PCSK2: variants seen among roughly 807,000 people sequenced by gnomAD.
PCSK2 encodes neuroendocrine convertase 2.
A neutral mutation model predicts 69.7 loss-of-function variants in PCSK2; 14 were observed. That is an observed-to-expected ratio of 0.20 (90% CI 0.13 to 0.31). The LOEUF is 0.31. PCSK2 is among the 10% of genes least tolerant of loss of function. The pLI is 1.00. For synonymous variants in PCSK2, 307 were observed against 320.7 expected (o/e 0.96, Z 0.46); for missense variants, 544 against 842.5 (o/e 0.65, Z 4.39).
chr20:17,370,527 A>C (rs1052508674), intron 5 of PCSK2, among the ~76,000 whole-genome samples: 1 of 152,238 alleles, frequency 6.6e-6, no homozygotes, highest in Non-Finnish European at 1.5e-5. Context: ...GAAATGACAG[A>C]AATTAAACCA....
intron 2 of PCSK2, among the ~76,000 whole-genome samples, chr20:17,356,063 T>C (rs2030186300): frequency 6.6e-6 from 1 of 152,182 alleles, no homozygotes; most frequent in African/African-American, 2.4e-5. Context: ...TGCATATATA[T>C]GTACATATGT....
chr20:17,257,226 C>T (rs915505833), intron 1 of PCSK2, among the ~76,000 whole-genome samples: 4 of 152,110 alleles, frequency 2.6e-5, no homozygotes, highest in Admixed American at 2.6e-4. Context: ...AATGAGATAC[C>T]GTCTCACACC....
At chr20:17,239,029 A>G (rs565572139) in intron 1 of PCSK2, among the ~76,000 whole-genome samples, 1 of 152,354 alleles carries the variant, frequency 6.6e-6, no homozygotes, top group Middle Eastern at 3.4e-3. Flanking sequence ...AGGAAAACCA[A>G]GTATGCTAGG....
At chr20:17,456,101 A>G (rs1469262198) in intron 9 of PCSK2, among the ~76,000 whole-genome samples, 3 of 152,016 alleles carry the variant, frequency 2.0e-5, no homozygotes, top group East Asian at 1.9e-4. Flanking sequence ...TTAGCCGGGC[A>G]TGGTGGCACG....
At chr20:17,360,028 T>C (rs2030336837) in intron 3 of PCSK2, among the ~76,000 whole-genome samples, 1 of 152,238 alleles carries the variant, frequency 6.6e-6, no homozygotes, top group Non-Finnish European at 1.5e-5. Flanking sequence ...TGAACAAGAC[T>C]TAGTGTGGTG....
intron 5 of PCSK2, among the ~76,000 whole-genome samples, chr20:17,403,374 T>C (rs2031685508): frequency 6.6e-6 from 1 of 152,230 alleles, no homozygotes; most frequent in Non-Finnish European, 1.5e-5. Flanking sequence ...CCAGTGCATG[T>C]GGGAGAATTA....
At chr20:17,239,245 A>T (rs1457631359) in intron 1 of PCSK2, among the ~76,000 whole-genome samples, 3 of 152,208 alleles carry the variant, frequency 2.0e-5, no homozygotes, top group Non-Finnish European at 2.9e-5. Flanking sequence ...GGGCACCACC[A>T]ATTCTCTTCA....
intron 2 of PCSK2, among the ~76,000 whole-genome samples, chr20:17,274,263 T>C (rs1195602856): frequency 6.6e-6 from 1 of 152,144 alleles, no homozygotes; most frequent in Admixed American, 6.5e-5. Context: ...CTCTGGCTAT[T>C]GAGAAAGGGT....
chr20:17,393,971 C>T (rs544515636), intron 5 of PCSK2, among the ~76,000 whole-genome samples: 1 of 152,310 alleles, frequency 6.6e-6, no homozygotes, highest in Non-Finnish European at 1.5e-5. Context: ...TTGTGTTGCT[C>T]TACCGAATTC....
At chr20:17,423,280 AGGTTAT>A (rs2032171941) in intron 6 of PCSK2, among the ~76,000 whole-genome samples, 1 of 152,230 alleles carries the variant, frequency 6.6e-6, no homozygotes, top group East Asian at 1.9e-4. Flanking sequence ...AGGGGCTTCC[AGGTTAT>A]AGGTAGATTC....
chr20:17,325,230 A>C (rs1240431434), intron 2 of PCSK2, among the ~76,000 whole-genome samples: 1 of 152,158 alleles, frequency 6.6e-6, no homozygotes, highest in Non-Finnish European at 1.5e-5. Flanking sequence ...CTCAGCACCA[A>C]GCAGAAGGTC....
intron 1 of PCSK2, among the ~76,000 whole-genome samples, chr20:17,246,079 T>C (rs1008778823): frequency 6.6e-6 from 1 of 152,200 alleles, no homozygotes; most frequent in Non-Finnish European, 1.5e-5. Flanking sequence ...TATGACATGA[T>C]ACTCTGCACC....
chr20:17,465,411 C>G lies in PCSK2; in HGVS notation c.1288C>G (p.Arg430Gly). 6.2e-7 allele frequency: 1 copy of G among 1,614,060 alleles called. No individual in the cohort carries two copies. The highest frequency in any genetic ancestry group is 8.5e-7 in the Non-Finnish European group (1 of 1,179,976). ...GCTTCACGACGAGGTCCATCAGTGG[C>G]GGCGCAATGGGGTCGGCCTGGAATT... is the stretch of plus-strand genomic sequence containing the variant. ...NQLHDEVHQW[R>G]RNGVGLEFNH... The change falls in exon 11 of 12, where the codon CGG becomes GGG. Residue 430 changes from arginine (R) to glycine (G), a missense_variant. Physicochemically the swap from Arg to Gly is moderately radical, Grantham distance 125. Coordinates refer to ENST00000262545, the MANE Select transcript of PCSK2 (RefSeq NM_002594.5).
intron 2 of PCSK2, among the ~76,000 whole-genome samples, chr20:17,323,187 C>A (rs955989104): frequency 1.3e-5 from 2 of 152,110 alleles, no homozygotes; most frequent in Admixed American, 1.3e-4. Flanking sequence ...CTTAATACCA[C>A]CATAATGGGA....
intron 2 of PCSK2, among the ~76,000 whole-genome samples, chr20:17,340,576 A>G (rs143946264): frequency 6.6e-6 from 1 of 151,966 alleles, no homozygotes; most frequent in Non-Finnish European, 1.5e-5. Context: ...AAAATTCTTC[A>G]ATTTTACTGC....
At chr20:17,390,976 G>A (rs563169898) in intron 5 of PCSK2, among the ~76,000 whole-genome samples, 1 of 152,126 alleles carries the variant, frequency 6.6e-6, no homozygotes, top group African/African-American at 2.4e-5. Context: ...TGGATATTCC[G>A]TCATTTGTTT....
intron 2 of PCSK2, among the ~76,000 whole-genome samples, chr20:17,336,325 C>A (rs983567305): frequency 1.1e-4 from 16 of 152,098 alleles, no homozygotes; most frequent in African/African-American, 3.9e-4. Flanking sequence ...AAAACCTAGT[C>A]ACTCAAACCC....
chr20:17,326,444 G>A (rs1032075807), intron 2 of PCSK2, among the ~76,000 whole-genome samples: 3 of 152,134 alleles, frequency 2.0e-5, no homozygotes, highest in Non-Finnish European at 4.4e-5. Flanking sequence ...TAAGACATTA[G>A]TTAAAAACTA....
intron 4 of PCSK2, among the ~76,000 whole-genome samples, chr20:17,366,565 C>A (rs2030597134): frequency 6.6e-6 from 1 of 152,218 alleles, no homozygotes; most frequent in South Asian, 2.1e-4. Flanking sequence ...TAAACATAAG[C>A]CGATTAGGAA....
Sources: gnomAD v4.1 joint callset for allele counts (sites outside exome capture counted in the v4.1 genomes callset) on GRCh38, gnomAD v4.1.1 for gene constraint, MANE v1.5 for transcripts, NCBI Gene and HGNC (gene_info 2026-07-23, HGNC 2026-07-21) for gene names.